The following FAF1 variants were observed in gnomAD, a reference collection of about 807,000 sequenced individuals.
FAF1 encodes the protein FAS-associated factor 1.
FAF1 carries 25 observed loss-of-function variants against 92.5 expected under a neutral mutation model. The observed-to-expected ratio is 0.27, with a 90% CI of 0.20 to 0.38. The LOEUF (loss-of-function observed/expected upper bound fraction) is 0.38. Among genes scored for constraint, FAF1 ranks in the 10% least tolerant of loss-of-function variants. The probability of loss-of-function intolerance (pLI) is 1.00; values close to 1 mark genes in which losing one functional copy is unlikely to be tolerated. For missense variants in FAF1, 636 were observed against 793.3 expected (o/e 0.80, Z 2.38); for synonymous variants, 234 against 273.2 (o/e 0.86, Z 1.42).
chr1:50,574,245 T>G (rs1008055980), intron 12 of FAF1, among the ~76,000 whole-genome samples: 2 of 152,188 alleles, frequency 1.3e-5, no homozygotes, highest in African/African-American at 2.4e-5. Flanking sequence ...TACAATATAT[T>G]TGAGGAAGGC....
chr1:50,629,161 C>CTTT lies in FAF1; in HGVS notation c.744+26278_744+26280dup, dbSNP rs759732173. On this transcript the variant is annotated intron_variant, in intron 8 of 18. Coordinates refer to ENST00000396153, the MANE Select transcript of FAF1 (RefSeq NM_007051.3). Reference sequence around the variant, plus strand: ...TCAATCTTATAGATCCAGATAGATGCTTTTTTTTTTTTTTTTTTTTTGAGA... The same window carrying CTTT: ...TCAATCTTATAGATCCAGATAGATGCTTTTTTTTTTTTTTTTTTTTTTTTGAGA... 1.1e-3 allele frequency among the ~76,000 whole-genome samples: 124 copies of CTTT among 110,684 alleles called. 1 individual carries two copies. The highest frequency in any genetic ancestry group is 3.8e-3 in the South Asian group (13 of 3,424). The allele number at this position is 110,684 out of a possible 152,430, so 72.6% of individuals were successfully genotyped here. A position where few individuals can be genotyped will look rare whatever the true frequency, so the allele number is the denominator to read the frequency against.
intron 1 of FAF1, among the ~76,000 whole-genome samples, chr1:50,867,356 G>C (rs952845523): frequency 1.3e-5 from 2 of 152,102 alleles, no homozygotes; most frequent in African/African-American, 2.4e-5. Flanking sequence ...AAACTCAAAA[G>C]CTTCTGCACA....
At chr1:50,881,085 C>G (rs1331362184) in intron 1 of FAF1, among the ~76,000 whole-genome samples, 6 of 152,108 alleles carry the variant, frequency 3.9e-5, no homozygotes. Flanking sequence ...TTAAAAAGCT[C>G]CCCAGGTGAT....
intron 13 of FAF1, among the ~76,000 whole-genome samples, chr1:50,546,437 C>A (rs1396653563): frequency 6.6e-6 from 1 of 152,190 alleles, no homozygotes; most frequent in Non-Finnish European, 1.5e-5. Flanking sequence ...GCAATCTCAG[C>A]TCACTGCAAC....
chr1:50,909,421 T>C (rs990529467), intron 1 of FAF1, among the ~76,000 whole-genome samples: 2 of 152,254 alleles, frequency 1.3e-5, no homozygotes, highest in African/African-American at 2.4e-5. Flanking sequence ...AATGTTGGCC[T>C]GCCTTGCTAG....
intron 15 of FAF1, among the ~76,000 whole-genome samples, chr1:50,519,977 A>G (rs1330880740): frequency 6.6e-6 from 1 of 152,238 alleles, no homozygotes; most frequent in East Asian, 1.9e-4. Context: ...ATCTAAAGGA[A>G]TGCATCATCC....
intron 1 of FAF1, among the ~76,000 whole-genome samples, chr1:50,876,280 C>A (rs1644570941): frequency 1.3e-5 from 2 of 152,142 alleles, no homozygotes; most frequent in South Asian, 4.1e-4. Context: ...AAGGTACGTT[C>A]TGGAAAGTAA....
chr1:50,905,747 T>C (rs1345804863), intron 1 of FAF1, among the ~76,000 whole-genome samples: 1 of 152,222 alleles, frequency 6.6e-6, no homozygotes, highest in Non-Finnish European at 1.5e-5. Context: ...CTTGTAAATA[T>C]GTTTAAGTTC....
intron 12 of FAF1, among the ~76,000 whole-genome samples, chr1:50,579,755 C>T (rs1280368693): frequency 2.0e-5 from 3 of 151,814 alleles, no homozygotes; most frequent in Non-Finnish European, 4.4e-5. Flanking sequence ...AAAGCAAACG[C>T]CAGGAGGAAA....
chr1:50,495,941 G>A (rs901528938), intron 15 of FAF1, among the ~76,000 whole-genome samples: 12 of 151,910 alleles, frequency 7.9e-5, no homozygotes, highest in Admixed American at 1.3e-4. Flanking sequence ...CTCTATCTCC[G>A]AGACAATAGC....
At chr1:50,677,485 T>A (rs1656173987) in intron 7 of FAF1, among the ~76,000 whole-genome samples, 1 of 152,252 alleles carries the variant, frequency 6.6e-6, no homozygotes. Flanking sequence ...AAATGACTCA[T>A]GTATTTCTTT....
chr1:50,840,932 T>C, intron 2 of FAF1, among the ~76,000 whole-genome samples: 1 of 152,044 alleles, frequency 6.6e-6, no homozygotes, highest in Non-Finnish European at 1.5e-5. Context: ...AATGATCATA[T>C]GGGTTACTGA....
chr1:50,567,175 G>A lies in FAF1; in HGVS notation c.1170C>T (p.Phe390=). 6.2e-7 allele frequency: 1 copy of A among 1,610,740 alleles called. No homozygotes were observed. Among genetic ancestry groups the A allele is most frequent in the Non-Finnish European group, 8.5e-7 (1 of 1,177,750 alleles). ...HHDESVLTNV[F]CSQMLCAESI... is the part of the protein sequence containing the mutation. ...ATTCAGCACAAAGCATTTGTGAGCA[G>A]AACACGTTGGTTAACACACTTTCAT... Residue 390 remains phenylalanine (F), a synonymous_variant, in exon 13 of 19, where the codon TTC becomes TTT. Coordinates refer to ENST00000396153, the MANE Select transcript of FAF1 (RefSeq NM_007051.3).
chr1:50,446,817 C>T (rs1646232563), intron 18 of FAF1, among the ~76,000 whole-genome samples: 1 of 151,680 alleles, frequency 6.6e-6, no homozygotes. Flanking sequence ...TTTTAATGTT[C>T]CTAATGCATT....
intron 7 of FAF1, among the ~76,000 whole-genome samples, chr1:50,689,917 G>C (rs901214038): frequency 6.6e-6 from 1 of 151,348 alleles, no homozygotes; most frequent in Non-Finnish European, 1.5e-5. Context: ...GATTTAAACA[G>C]ACTCTCCATG....
chr1:50,908,733 A>T (rs547997000), intron 1 of FAF1, among the ~76,000 whole-genome samples: 1 of 152,010 alleles, frequency 6.6e-6, no homozygotes, highest in South Asian at 2.1e-4. Flanking sequence ...CCTTCTAAAT[A>T]TCCCTCCGTC....
At position 50,540,560 on chromosome 1, in the gene FAF1, A is replaced by G. The variant is rs938282061; in HGVS notation, c.1269-832T>C. Reference sequence around the variant, plus strand: ...AAGCTTTTGACCAAAAAAAGCTCTGAGATATTAGCATACTGAAGTCTAGCA... The same window carrying G: ...AAGCTTTTGACCAAAAAAAGCTCTGGGATATTAGCATACTGAAGTCTAGCA... On this transcript the variant is annotated intron_variant, in intron 13 of 18. Coordinates refer to ENST00000396153, the MANE Select transcript of FAF1 (RefSeq NM_007051.3). Among the ~76,000 whole-genome samples, 5 of 152,302 alleles carry G rather than the reference A, an allele frequency of 3.3e-5. No individual in the cohort carries two copies. The South Asian group carries it at 1.0e-3, about 32-fold the overall frequency.
intron 18 of FAF1, among the ~76,000 whole-genome samples, chr1:50,442,107 G>A (rs1468027074): frequency 2.0e-5 from 3 of 151,996 alleles, no homozygotes; most frequent in African/African-American, 7.2e-5. Context: ...TCATAATTTT[G>A]TAATATGAAC....
rs374236158 is a variant in FAF1 at position 50,511,930 on chromosome 1, C to T, written c.1495-20129G>A. On this transcript the variant is annotated intron_variant, in intron 15 of 18. Coordinates refer to ENST00000396153, the MANE Select transcript of FAF1 (RefSeq NM_007051.3). Reference sequence around the variant, plus strand: ...TATTGTTCCCTGACTTTTTAATGATCGCCATTCTAACTGGCGTGAGATGGT... The same window carrying T: ...TATTGTTCCCTGACTTTTTAATGATTGCCATTCTAACTGGCGTGAGATGGT... 4.7e-4 allele frequency among the ~76,000 whole-genome samples: 71 copies of T among 152,246 alleles called. 2 individuals carry two copies. The South Asian group carries it at 0.014, about 30-fold the overall frequency.
Sources: gnomAD v4.1 joint callset for allele counts (sites outside exome capture counted in the v4.1 genomes callset) on GRCh38, gnomAD v4.1.1 for gene constraint, MANE v1.5 for transcripts, NCBI Gene and HGNC (gene_info 2026-07-23, HGNC 2026-07-21) for gene names.